The following MMP26 variants were observed in gnomAD, a reference collection of about 807,000 sequenced individuals.
The protein encoded by MMP26 is matrix metalloproteinase-26.
MMP26 carries 33 observed loss-of-function variants against 31.0 expected under a neutral mutation model. The observed-to-expected ratio is 1.06, with a 90% confidence interval of 0.81 to 1.42. The LOEUF is 1.42. MMP26 is among the 40% of genes most tolerant of loss of function. The pLI, the probability that MMP26 is intolerant of heterozygous loss-of-function variation, is 0.00. For missense variants in MMP26, 347 were observed against 316.1 expected (o/e 1.10, Z -0.74); for synonymous variants, 122 against 114.9 (o/e 1.06, Z -0.40).
At chr11:4,872,208 C>G (rs1850320013) in intron 2 of MMP26, among the ~76,000 whole-genome samples, 1 of 152,008 alleles carries the variant, frequency 6.6e-6, no homozygotes, top group African/African-American at 2.4e-5. Context: ...TATTAAAGGA[C>G]TAAAATATTT....
At chr11:4,785,640 A>G (rs1312810542) in intron 2 of MMP26, among the ~76,000 whole-genome samples, 1 of 152,178 alleles carries the variant, frequency 6.6e-6, no homozygotes, top group Non-Finnish European at 1.5e-5. Context: ...ATCCTAATTC[A>G]CTATACATAA....
At chr11:4,705,581 G>C (rs55819711) in intron 1 of MMP26, among the ~76,000 whole-genome samples, 1,716 of 152,352 alleles carry the variant, frequency 0.011, 30 homozygotes, top group African/African-American at 0.037. Flanking sequence ...AGAATTCTCA[G>C]TGGGGGAGAA....
intron 2 of MMP26, among the ~76,000 whole-genome samples, chr11:4,861,059 TTA>T (rs556563428): frequency 0.027 from 2,500 of 92,146 alleles, 75 homozygotes; most frequent in African/African-American, 0.067. Context: ...TATAAGGGTA[TTA>T]TATATATATA....
At chr11:4,872,924 G>A (rs963396842) in intron 2 of MMP26, among the ~76,000 whole-genome samples, 2 of 151,972 alleles carry the variant, frequency 1.3e-5, no homozygotes, top group African/African-American at 2.4e-5. Flanking sequence ...TGGACATACG[G>A]ACCCACCTGT....
chr11:4,866,666 C>T (rs1189074195), intron 2 of MMP26, among the ~76,000 whole-genome samples: 2 of 152,104 alleles, frequency 1.3e-5, no homozygotes, highest in East Asian at 3.9e-4. Flanking sequence ...AGGCATTACG[C>T]CACCTGACTT....
At chr11:4,840,750 T>C (rs1375442923) in intron 2 of MMP26, among the ~76,000 whole-genome samples, 2 of 152,132 alleles carry the variant, frequency 1.3e-5, no homozygotes, top group Non-Finnish European at 2.9e-5. Flanking sequence ...AAATAAACAA[T>C]TCTTGAATGA....
Position 4,914,455 on chromosome 11 carries a change from G to A in MMP26, c.-144-73613G>A, listed in dbSNP as rs191209212. ...AGTAGACCCTATCTCTTTATGAGGA[G>A]TAGCAAGTTCCTGGAAGAGCATGTG... On this transcript the variant is annotated intron_variant, in intron 2 of 7. Transcript: ENST00000380390. The A allele has an allele frequency of 9.8e-6, 4 of 407,068 alleles. No homozygotes were observed. The East Asian group carries it at 1.7e-4, about 17-fold the overall frequency. 25.2% of individuals were successfully genotyped at this position (407,068 alleles called of 1,614,324 possible).
At chr11:4,717,037 C>A (rs548450940) in intron 1 of MMP26, among the ~76,000 whole-genome samples, 1 of 152,152 alleles carries the variant, frequency 6.6e-6, no homozygotes, top group African/African-American at 2.4e-5. Flanking sequence ...ATATCTGAAA[C>A]CCCATTGCCT....
intron 2 of MMP26, chr11:4,860,236 C>T (rs1850129689): frequency 4.2e-6 from 2 of 471,010 alleles, no homozygotes; most frequent in Non-Finnish European, 8.8e-6. Flanking sequence ...TTCTACTATT[C>T]CAAATACATG....
At chr11:4,843,180 C>T (rs181305744) in intron 2 of MMP26, among the ~76,000 whole-genome samples, 1 of 152,184 alleles carries the variant, frequency 6.6e-6, no homozygotes, top group East Asian at 1.9e-4. Context: ...TGCAAGCTAT[C>T]GGTGGATCTG....
chr11:4,769,619 A>G (rs779305420), intron 2 of MMP26: 25 of 1,609,748 alleles, frequency 1.6e-5, no homozygotes, highest in South Asian at 4.4e-5. Flanking sequence ...CATCTGGACA[A>G]TGCAGCTATA....
chr11:4,784,840 C>G (rs891869542), intron 2 of MMP26, among the ~76,000 whole-genome samples: 1 of 152,162 alleles, frequency 6.6e-6, no homozygotes, highest in Non-Finnish European at 1.5e-5. Context: ...AATAATTGTA[C>G]ATATTTACTG....
chr11:4,940,020 C>T (rs969119106), intron 2 of MMP26, among the ~76,000 whole-genome samples: 2 of 151,828 alleles, frequency 1.3e-5, no homozygotes, highest in African/African-American at 2.4e-5. Context: ...GAGGTAGTCA[C>T]TATTGAGATT....
chr11:4,710,122 A>C, intron 1 of MMP26: 1 of 456,746 alleles, frequency 2.2e-6, no homozygotes, highest in South Asian at 1.5e-5. Context: ...TTCCACCCTG[A>C]TGCGATGAAG....
chr11:4,769,574 C>G, intron 2 of MMP26: 1 of 1,613,058 alleles, frequency 6.2e-7, no homozygotes, highest in South Asian at 1.1e-5. Context: ...CACCAGCACT[C>G]CAGATTCCAT....
intron 2 of MMP26, among the ~76,000 whole-genome samples, chr11:4,892,268 A>G (rs1850636513): frequency 6.6e-6 from 1 of 152,108 alleles, no homozygotes; most frequent in Non-Finnish European, 1.5e-5. Context: ...CTCTCCCCTA[A>G]AGTCCACATA....
intron 5 of MMP26, 68 bp downstream of exon 5, chr11:4,990,814 TA>T (rs1846988663): frequency 2.0e-6 from 3 of 1,467,448 alleles, no homozygotes; most frequent in Admixed American, 2.1e-5. Flanking sequence ...TTTCCATCCT[TA>T]AACAAAAACC....
chr11:4,827,434 G>A (rs1414717244), intron 2 of MMP26, among the ~76,000 whole-genome samples: 1 of 152,008 alleles, frequency 6.6e-6, no homozygotes, highest in Non-Finnish European at 1.5e-5. Context: ...GAAGAAAAAT[G>A]ATCCTGAAAA....
chr11:4,723,154 C>T, intron 1 of MMP26: 1 of 1,599,394 alleles, frequency 6.3e-7, no homozygotes, highest in Non-Finnish European at 8.6e-7. Context: ...CCTTAATGGC[C>T]AGCTCCCCAC....
Sources: allele counts gnomAD v4.1 joint callset (sites outside exome capture counted in the v4.1 genomes callset), GRCh38; gene constraint gnomAD v4.1.1; transcripts MANE v1.5; gene names NCBI Gene and HGNC (gene_info 2026-07-23, HGNC 2026-07-21).